Variants in NLRP13 observed in about 807,000 individuals in gnomAD.
NLRP13 encodes the protein NACHT, LRR and PYD domains-containing protein 13.
In NLRP13, 82 loss-of-function variants were observed where a neutral mutation model predicts 94.4. That is an observed-to-expected ratio of 0.87 (90% confidence interval 0.73 to 1.04). The LOEUF is 1.04. Ranked by LOEUF, NLRP13 falls within the 50% of genes least tolerant of loss-of-function variation. The pLI, the probability that NLRP13 is intolerant of heterozygous loss-of-function variation, is 0.00. For synonymous variants in NLRP13, 553 were observed against 464.7 expected (o/e 1.19, Z -2.45); for missense variants, 1,426 against 1,230.8 (o/e 1.16, Z -2.37).
At chr19:55,902,946 TAAC>T (rs1039976506) in intron 8 of NLRP13, among the ~76,000 whole-genome samples, 19 of 31,956 alleles carry the variant, frequency 5.9e-4, no homozygotes, top group Admixed American at 9.0e-4. Flanking sequence ...TTATAAATTA[TAAC>T]AACTAATTGT....
In NLRP13 at chr19:55,909,755, C is replaced by G. The variant is rs541612968; in HGVS notation, c.2282+808G>C. On this transcript the variant is annotated intron_variant, in intron 6 of 10. Coordinates refer to ENST00000342929, the MANE Select transcript of NLRP13 (RefSeq NM_176810.2). Reference sequence around the variant, plus strand: ...ATGTCCAGAATTGGTAATAGAAGGCCTGATGGCTTTGTTGATATCATTTGA... The same window carrying G: ...ATGTCCAGAATTGGTAATAGAAGGCGTGATGGCTTTGTTGATATCATTTGA... Among the ~76,000 whole-genome samples, 8 of 152,292 alleles carry G rather than the reference C, an allele frequency of 5.3e-5. No homozygotes were observed. The East Asian group carries it at 1.5e-3, about 29-fold the overall frequency.
chr19:55,921,854 A>G (rs565231677), intron 4 of NLRP13, among the ~76,000 whole-genome samples: 3 of 152,336 alleles, frequency 2.0e-5, no homozygotes, highest in Admixed American at 1.3e-4. Context: ...CAGAGCTGGA[A>G]GAGACCAGAA....
chr19:55,918,910 C>G (rs933454785), intron 4 of NLRP13, among the ~76,000 whole-genome samples: 1 of 151,812 alleles, frequency 6.6e-6, no homozygotes, highest in Non-Finnish European at 1.5e-5. Context: ...CAAAGCTCAA[C>G]AAGGACACAA....
intron 1 of NLRP13, among the ~76,000 whole-genome samples, chr19:55,931,411 G>A (rs1987129971): frequency 6.6e-6 from 1 of 151,972 alleles, no homozygotes; most frequent in Admixed American, 6.6e-5. Flanking sequence ...AAATTTGCAT[G>A]TTTAAAAGAA....
chr19:55,929,037 T>A (rs963369880), intron 1 of NLRP13, among the ~76,000 whole-genome samples: 2 of 152,194 alleles, frequency 1.3e-5, no homozygotes, highest in Non-Finnish European at 2.9e-5. Flanking sequence ...AAGCTCATCG[T>A]CACTGGTTAT....
At chr19:55,894,043 CTTT>C (rs36039690), downstream of NLRP13, among the ~76,000 whole-genome samples, 17 of 112,892 alleles carry the variant, frequency 1.5e-4, no homozygotes, top group Middle Eastern at 5.2e-3. Flanking sequence ...CATGCCCCAA[CTTT>C]TTTTTTTTTT....
chr19:55,899,850 C>T (rs1432539424), intron 9 of NLRP13, among the ~76,000 whole-genome samples: 1 of 152,044 alleles, frequency 6.6e-6, no homozygotes, highest in Non-Finnish European at 1.5e-5. Flanking sequence ...AGAGAACTGC[C>T]AGGCTGATAA....
intron 4 of NLRP13, among the ~76,000 whole-genome samples, chr19:55,914,286 G>T (rs1986624667): frequency 6.6e-6 from 1 of 152,204 alleles, no homozygotes; most frequent in African/African-American, 2.4e-5. Context: ...AGACAGAAAT[G>T]AGCATTCTAG....
Position 55,906,337 on chromosome 19 carries a change from C to CA in NLRP13, c.2448-1226dup, listed in dbSNP as rs71182931. Among the ~76,000 whole-genome samples, 129 of 60,958 alleles carry CA rather than the reference C, an allele frequency of 2.1e-3. 3 individuals are homozygous for CA. Among genetic ancestry groups the CA allele is most frequent in the South Asian group, 0.021 (26 of 1,260 alleles). The allele number at this position is 60,958 out of a possible 152,430, so 40.0% of individuals were successfully genotyped here. ...TGGGTGACAGAGTGAGACTCCATCT[C>CA]AAAAAAAAAAAAAAAAAGACAGATG... On this transcript the variant is annotated intron_variant, in intron 7 of 10. Transcript: ENST00000342929.
chr19:55,932,143 A>C lies in NLRP13; in HGVS notation c.169T>G (p.Trp57Gly), dbSNP rs745334957. The change falls in exon 1 of 11, where the codon TGG becomes GGG. Residue 57 changes from tryptophan to glycine, a missense_variant. By Grantham distance (184) the Trp-to-Gly change is radical (BLOSUM62 -2). Transcript: ENST00000342929. ...GGGTCGGCAGCTCTCAAGTTTGCCC[A>C]GGGGATACGCGGGAAGTGCCCCTGG... Reference protein sequence around the residue: ...APQGHFPRIPWANLRAADPLN... With the variant: ...APQGHFPRIPGANLRAADPLN... 1 of 1,614,188 alleles carries C rather than the reference A, an allele frequency of 6.2e-7. No individual in the cohort carries two copies. The highest frequency in any genetic ancestry group is 8.5e-7 in the Non-Finnish European group (1 of 1,180,022).
At chr19:55,901,905 C>T in intron 9 of NLRP13, 130 bp downstream of exon 9, 1 of 962,560 alleles carries the variant, frequency 1.0e-6, no homozygotes, top group African/African-American at 1.6e-5. Context: ...CCCGACAAAA[C>T]CAGAAGCTCC....
chr19:55,921,221 G>A (rs1037498518), intron 4 of NLRP13, among the ~76,000 whole-genome samples: 7 of 152,076 alleles, frequency 4.6e-5, no homozygotes, highest in Admixed American at 2.6e-4. Context: ...ACCACTACAC[G>A]ATATATCCAT....
At chr19:55,902,483 C>T (rs990361326) in intron 8 of NLRP13, among the ~76,000 whole-genome samples, 2 of 152,110 alleles carry the variant, frequency 1.3e-5, no homozygotes, top group South Asian at 2.1e-4. Flanking sequence ...TTTCAAGGCT[C>T]CAAGGCTCTG....
chr19:55,894,912 G>A (rs796245084), downstream of NLRP13, among the ~76,000 whole-genome samples: 5 of 152,242 alleles, frequency 3.3e-5, no homozygotes, highest in South Asian at 4.1e-4. Context: ...CATCCAGTAC[G>A]GTAGTCATTA....
chr19:55,929,090 G>A (rs138147455), intron 1 of NLRP13, among the ~76,000 whole-genome samples: 98 of 152,268 alleles, frequency 6.4e-4, no homozygotes, highest in African/African-American at 2.2e-3. Context: ...ACCATCTCAC[G>A]CCAGTTAGGA....
intron 7 of NLRP13, 30 bp downstream of exon 7, chr19:55,907,762 C>T (rs781527657): frequency 6.2e-7 from 1 of 1,612,408 alleles, no homozygotes; most frequent in Non-Finnish European, 8.5e-7. Context: ...TGCAACCCCC[C>T]TTGACAGATC....
chr19:55,904,073 A>G (rs999845981), intron 8 of NLRP13, among the ~76,000 whole-genome samples: 1 of 152,120 alleles, frequency 6.6e-6, no homozygotes. Context: ...TAGCTTCCTC[A>G]TTGTTCCTCC....
chr19:55,895,904 T>C, downstream of NLRP13: 1 of 1,597,774 alleles, frequency 6.3e-7, no homozygotes, highest in Non-Finnish European at 8.5e-7. Flanking sequence ...CAATCTAGCC[T>C]TGTCCCTGTA....
chr19:55,916,683 A>G (rs1334047445), intron 4 of NLRP13, among the ~76,000 whole-genome samples: 2 of 152,192 alleles, frequency 1.3e-5, no homozygotes, highest in African/African-American at 2.4e-5. Flanking sequence ...ACAGGATTTT[A>G]AGAAAATGAA....
Sources: allele counts gnomAD v4.1 joint callset (sites outside exome capture counted in the v4.1 genomes callset), GRCh38; gene constraint gnomAD v4.1.1; transcripts MANE v1.5; gene names NCBI Gene and HGNC (gene_info 2026-07-23, HGNC 2026-07-21).